The following PPARGC1A variants were observed in gnomAD, a reference collection of about 807,000 sequenced individuals.
The protein encoded by PPARGC1A is peroxisome proliferator-activated receptor gamma coactivator 1-alpha.
Under a neutral mutation model 88.7 loss-of-function variants are expected in PPARGC1A, and 25 were observed. That is an observed-to-expected ratio of 0.28 (90% CI 0.21 to 0.39). The LOEUF (loss-of-function observed/expected upper bound fraction) is 0.39. PPARGC1A is among the 10% of genes least tolerant of loss of function. The pLI, the probability that PPARGC1A is intolerant of heterozygous loss-of-function variation, is 1.00. For missense variants in PPARGC1A, 880 were observed against 968.7 expected (o/e 0.91, Z 1.22); for synonymous variants, 363 against 355.6 (o/e 1.02, Z -0.24).
At chr4:23,964,512 A>G in the PPARGC1A span, among the ~76,000 whole-genome samples, 1 of 152,206 alleles carries the variant, frequency 6.6e-6, no homozygotes, top group Non-Finnish European at 1.5e-5. Flanking sequence ...AAGCATGCTT[A>G]AGACCTGTTG....
At chr4:24,093,796 A>G in the PPARGC1A span, among the ~76,000 whole-genome samples, 1 of 152,198 alleles carries the variant, frequency 6.6e-6, no homozygotes, top group Non-Finnish European at 1.5e-5. Context: ...TTTGATTATC[A>G]GCTCCATTAT....
chr4:24,242,067 T>C, the PPARGC1A span, among the ~76,000 whole-genome samples: 1 of 152,162 alleles, frequency 6.6e-6, no homozygotes, highest in Non-Finnish European at 1.5e-5. Flanking sequence ...GCTTAATAAC[T>C]CCAGCCCACT....
intron 7 of PPARGC1A, among the ~76,000 whole-genome samples, chr4:23,824,040 A>G (rs1723468486): frequency 6.6e-6 from 1 of 151,904 alleles, no homozygotes; most frequent in Non-Finnish European, 1.5e-5. Flanking sequence ...TTTGCAACCA[A>G]CTCAGAAGTT....
At position 23,897,894 on chromosome 4, in the gene PPARGC1A, A is replaced by G. The variant is rs372871856; in HGVS notation, n.52+1373T>C. ...AATTCTGGAAAGTAGCACGAGTCAT[A>G]TGTAAGACCGAGTCCCTGCATGCAC... On this transcript the variant is annotated intron_variant and non_coding_transcript_variant, in intron 1 of 3. Coordinates refer to the PPARGC1A transcript ENST00000507342. Among the ~76,000 whole-genome samples the G allele has an allele frequency of 2.4e-4, 37 of 152,344 alleles. No individual in the cohort carries two copies. The East Asian group carries it at 3.3e-3, about 14-fold the overall frequency.
chr4:24,346,875 G>A, the PPARGC1A span, among the ~76,000 whole-genome samples: 512 of 152,124 alleles, frequency 3.4e-3, 2 homozygotes, highest in Non-Finnish European at 5.5e-3. Context: ...TTGTTTGCTT[G>A]TGCTCTTTCA....
upstream of PPARGC1A, chr4:23,890,094 GA>G: frequency 1.4e-6 from 2 of 1,392,342 alleles, no homozygotes; most frequent in Non-Finnish European, 1.9e-6. Flanking sequence ...CCAGTCACAT[GA>G]CAAAGCTATT....
chr4:23,798,532 T>C (rs1352031698), intron 12 of PPARGC1A, among the ~76,000 whole-genome samples: 2 of 152,228 alleles, frequency 1.3e-5, no homozygotes, highest in Non-Finnish European at 2.9e-5. Flanking sequence ...TCAAGAATAC[T>C]GATAATACAA....
At chr4:23,978,416 TC>T in the PPARGC1A span, among the ~76,000 whole-genome samples, 31 of 152,308 alleles carry the variant, frequency 2.0e-4, no homozygotes, top group South Asian at 6.0e-3. Context: ...AAAATGTCAT[TC>T]TTTATACACT....
In PPARGC1A at chr4:23,859,719, T is replaced by G. The variant is rs1165207718; in HGVS notation, c.234+25033A>C. Among the ~76,000 whole-genome samples the G allele has an allele frequency of 2.0e-5, 3 of 151,494 alleles. No individual in the cohort carries two copies. The East Asian group carries it at 5.9e-4, about 30-fold the overall frequency. On this transcript the variant is annotated intron_variant, in intron 2 of 12. Coordinates refer to ENST00000264867, the MANE Select transcript of PPARGC1A (RefSeq NM_013261.5). The stretch of plus-strand genomic sequence containing the variant: ...TGGCAGGAACCTGGGAGGTGGAGCT[T>G]GCAGTGAGCCGAGATGGCACCACTG...
At chr4:24,350,352 G>A in the PPARGC1A span, among the ~76,000 whole-genome samples, 15 of 152,304 alleles carry the variant, frequency 9.8e-5, no homozygotes, top group African/African-American at 3.4e-4. Flanking sequence ...CTGCCCTGTG[G>A]CTGGGTACAC....
At chr4:24,001,050 C>T in the PPARGC1A span, among the ~76,000 whole-genome samples, 1 of 152,012 alleles carries the variant, frequency 6.6e-6, no homozygotes, top group African/African-American at 2.4e-5. Context: ...CCTTTTTATC[C>T]CCTTCAATAC....
At chr4:24,116,994 A>C in the PPARGC1A span, among the ~76,000 whole-genome samples, 3 of 152,090 alleles carry the variant, frequency 2.0e-5, no homozygotes, top group African/African-American at 7.2e-5. Context: ...AAAAAACAAC[A>C]ACCACAACAA....
the PPARGC1A span, among the ~76,000 whole-genome samples, chr4:24,021,212 A>C: frequency 6.6e-6 from 1 of 152,172 alleles, no homozygotes; most frequent in South Asian, 2.1e-4. Context: ...AGCTGCCTCC[A>C]GGGGACTACG....
the PPARGC1A span, among the ~76,000 whole-genome samples, chr4:24,282,981 T>G: frequency 6.6e-6 from 1 of 152,152 alleles, no homozygotes; most frequent in African/African-American, 2.4e-5. Context: ...TGGCTACAGG[T>G]TTAAGCAGAA....
At chr4:24,300,194 C>A in the PPARGC1A span, among the ~76,000 whole-genome samples, 4,145 of 152,142 alleles carry the variant, frequency 0.027, 197 homozygotes, top group African/African-American at 0.095. Flanking sequence ...GTCTTCCTCA[C>A]ATTTTGTTCA....
chr4:24,156,288 C>CG, the PPARGC1A span, among the ~76,000 whole-genome samples: 1 of 152,206 alleles, frequency 6.6e-6, no homozygotes, highest in Non-Finnish European at 1.5e-5. Context: ...TATCCACCCC[C>CG]GGGTGTTTCT....
the PPARGC1A span, among the ~76,000 whole-genome samples, chr4:24,176,536 G>A: frequency 6.6e-6 from 1 of 152,044 alleles, no homozygotes; most frequent in Non-Finnish European, 1.5e-5. Context: ...GGATATTAAG[G>A]AACTAGAAAA....
At chr4:23,926,959 A>G in the PPARGC1A span, among the ~76,000 whole-genome samples, 1 of 152,332 alleles carries the variant, frequency 6.6e-6, no homozygotes, top group South Asian at 2.1e-4. Context: ...TACATGATCT[A>G]TCTAACAAAA....
chr4:23,889,639 T>A (rs1258010501), intron 1 of PPARGC1A, among the ~76,000 whole-genome samples: 2 of 152,150 alleles, frequency 1.3e-5, no homozygotes, highest in Non-Finnish European at 2.9e-5. Flanking sequence ...GTAGAAACAG[T>A]GCCAAAGTCA....
Sources: gnomAD v4.1 joint callset for allele counts (sites outside exome capture counted in the v4.1 genomes callset) on GRCh38, gnomAD v4.1.1 for gene constraint, MANE v1.5 for transcripts, NCBI Gene and HGNC (gene_info 2026-07-23, HGNC 2026-07-21) for gene names.